Variants in SYT9 observed in about 807,000 individuals in gnomAD.
The protein encoded by SYT9 is synaptotagmin-9.
A neutral mutation model predicts 48.4 loss-of-function variants in SYT9; 22 were observed. That is an observed-to-expected ratio of 0.45 (90% CI 0.32 to 0.65). The LOEUF (loss-of-function observed/expected upper bound fraction) is 0.65. Among genes scored for constraint, SYT9 ranks in the 30% least tolerant of loss-of-function variants. The pLI is 0.03. For synonymous variants in SYT9, 265 were observed against 245.0 expected (o/e 1.08, Z -0.76); for missense variants, 577 against 622.0 (o/e 0.93, Z 0.77).
At chr11:7,461,690 G>T (rs58662934) in intron 6 of SYT9, among the ~76,000 whole-genome samples, 48,948 of 152,074 alleles carry the variant, frequency 0.32, 9,056 homozygotes, top group African/African-American at 0.5. Flanking sequence ...GTTTTCTTAG[G>T]GCTCAGCACA....
intron 3 of SYT9, among the ~76,000 whole-genome samples, chr11:7,334,598 C>G (rs1849600861): frequency 6.6e-6 from 1 of 152,108 alleles, no homozygotes; most frequent in Admixed American, 6.6e-5. Flanking sequence ...ACCTCAAAAC[C>G]TTGCCTGTAC....
chr11:7,381,352 A>G (rs1167503968), intron 3 of SYT9, among the ~76,000 whole-genome samples: 1 of 152,214 alleles, frequency 6.6e-6, no homozygotes, highest in Non-Finnish European at 1.5e-5. Flanking sequence ...ATACTTTTTA[A>G]TCAATCCCAG....
intron 3 of SYT9, among the ~76,000 whole-genome samples, chr11:7,328,746 A>G (rs1033657122): frequency 2.2e-4 from 33 of 152,152 alleles, no homozygotes; most frequent in African/African-American, 8.0e-4. Flanking sequence ...TATGTTTAGT[A>G]CATTTTTGAG....
intron 3 of SYT9, among the ~76,000 whole-genome samples, chr11:7,411,065 G>A (rs1847129323): frequency 6.6e-6 from 1 of 152,184 alleles, no homozygotes; most frequent in Admixed American, 6.6e-5. Context: ...ATGTTGGCCA[G>A]GCTGGTCTCA....
At chr11:7,330,418 A>G (rs763908137) in intron 3 of SYT9, among the ~76,000 whole-genome samples, 18 of 152,292 alleles carry the variant, frequency 1.2e-4, no homozygotes, top group Middle Eastern at 6.8e-3. Flanking sequence ...CAAAGGGGCA[A>G]TATGAGGGAA....
intron 6 of SYT9, among the ~76,000 whole-genome samples, chr11:7,449,200 C>A (rs1391871056): frequency 1.3e-5 from 2 of 151,538 alleles, no homozygotes; most frequent in African/African-American, 4.9e-5. Flanking sequence ...AAAAATTAAC[C>A]GGGCATGGTG....
At chr11:7,363,019 G>C (rs987979537) in intron 3 of SYT9, among the ~76,000 whole-genome samples, 2 of 110,498 alleles carry the variant, frequency 1.8e-5, no homozygotes, top group African/African-American at 6.4e-5. Flanking sequence ...CAGGAACTTG[G>C]GACAGCTCCA....
At chr11:7,256,582 A>G (rs1847975205) in intron 1 of SYT9, among the ~76,000 whole-genome samples, 1 of 152,174 alleles carries the variant, frequency 6.6e-6, no homozygotes, top group African/African-American at 2.4e-5. Context: ...AGTTATTGTC[A>G]ATGAAAATTT....
At position 7,252,249 on chromosome 11, in the gene SYT9, C is replaced by A; in HGVS notation, c.63C>A (p.Ala21=). The change falls in exon 1 of 7, where the codon GCC becomes GCA. Residue 21 remains alanine, a synonymous_variant. Coordinates refer to ENST00000318881, the MANE Select transcript of SYT9 (RefSeq NM_175733.4). This position sits in a 1 kb window ranked among gnomAD's most constrained non-coding sequence, Gnocchi z 6.3. The stretch of plus-strand genomic sequence containing the variant: ...TGCAGCTGCTGGCCGAGCTCTGTGC[C>A]CGTGGGGCCCTGGAGCACGACAGCT... The part of the protein sequence containing the change: ...QALQLLAELC[A]RGALEHDSCQ... 1 of 1,506,334 alleles carries A rather than the reference C, an allele frequency of 6.6e-7. No individual in the cohort carries two copies. The highest frequency in any genetic ancestry group is 8.9e-7 in the Non-Finnish European group (1 of 1,127,828). The allele number at this position is 1,506,334 out of a possible 1,614,324, so 93.3% of individuals were successfully genotyped here.
At chr11:7,392,401 T>A (rs552142583) in intron 3 of SYT9, among the ~76,000 whole-genome samples, 1 of 152,300 alleles carries the variant, frequency 6.6e-6, no homozygotes, top group African/African-American at 2.4e-5. Context: ...GTATTGTAGA[T>A]CAGTTGGTTG....
chr11:7,365,222 TG>T (rs1850218379), intron 3 of SYT9, among the ~76,000 whole-genome samples: 1 of 151,502 alleles, frequency 6.6e-6, no homozygotes, highest in African/African-American at 2.4e-5. Flanking sequence ...ATCCTCAAGA[TG>T]GGGTGGGGAA....
chr11:7,369,511 T>G (rs1234786806), intron 3 of SYT9, among the ~76,000 whole-genome samples: 1 of 152,222 alleles, frequency 6.6e-6, no homozygotes, highest in Non-Finnish European at 1.5e-5. Flanking sequence ...TTTTGGCTTT[T>G]GTTACAATTG....
chr11:7,426,344 A>C (rs540261194), intron 6 of SYT9, among the ~76,000 whole-genome samples: 48 of 152,244 alleles, frequency 3.2e-4, no homozygotes, highest in African/African-American at 1.1e-3. Context: ...ATGAGACCCC[A>C]CATCAGCTGT....
chr11:7,357,575 T>G (rs1850045431), intron 3 of SYT9, among the ~76,000 whole-genome samples: 1 of 152,108 alleles, frequency 6.6e-6, no homozygotes, highest in Non-Finnish European at 1.5e-5. Flanking sequence ...CATTTGTTTT[T>G]CTCTGGGCAT....
chr11:7,255,817 T>C (rs959514938), intron 1 of SYT9, among the ~76,000 whole-genome samples: 3 of 152,226 alleles, frequency 2.0e-5, no homozygotes, highest in Non-Finnish European at 4.4e-5. Context: ...CCTCTTTAGA[T>C]AGCCAAGCTG....
intron 6 of SYT9, among the ~76,000 whole-genome samples, chr11:7,428,484 C>T (rs956677818): frequency 2.0e-5 from 3 of 152,194 alleles, no homozygotes; most frequent in Non-Finnish European, 4.4e-5. Context: ...GAAACACACT[C>T]CCTCCTGATA....
At chr11:7,339,522 C>T (rs1202210108) in intron 3 of SYT9, among the ~76,000 whole-genome samples, 2 of 152,120 alleles carry the variant, frequency 1.3e-5, no homozygotes, top group Non-Finnish European at 2.9e-5. Context: ...GTGTTCCTTT[C>T]AAGATCTTTT....
chr11:7,271,958 G>A (rs373748937), intron 1 of SYT9, among the ~76,000 whole-genome samples: 1 of 152,140 alleles, frequency 6.6e-6, no homozygotes, highest in African/African-American at 2.4e-5. Flanking sequence ...GTAAATCAGA[G>A]CTTCATGTAT....
chr11:7,262,760 A>G (rs556132766), intron 1 of SYT9, among the ~76,000 whole-genome samples: 1 of 152,232 alleles, frequency 6.6e-6, no homozygotes, highest in East Asian at 1.9e-4. Flanking sequence ...CATTTTTGAT[A>G]GAGAGGTGGG....
Sources: gnomAD v4.1 joint callset for allele counts (sites outside exome capture counted in the v4.1 genomes callset) on GRCh38, gnomAD v4.1.1 for gene constraint, Gnocchi (gnomAD v3.1) non-coding constraint, MANE v1.5 for transcripts, NCBI Gene and HGNC (gene_info 2026-07-23, HGNC 2026-07-21) for gene names.